Variants in PCDH15 observed in about 807,000 individuals in gnomAD.
The protein encoded by PCDH15 is protocadherin-15.
A neutral mutation model predicts 178.5 loss-of-function variants in PCDH15; 129 were observed. The ratio of observed to expected loss-of-function variants is 0.72; its 90% CI spans 0.63 to 0.84. The LOEUF (loss-of-function observed/expected upper bound fraction) is 0.84, where lower values mean the gene tolerates loss of function less well. Ranked by LOEUF, PCDH15 falls within the 40% of genes least tolerant of loss-of-function variation. The probability of loss-of-function intolerance (pLI) is 0.00; values close to 1 mark genes in which losing one functional copy is unlikely to be tolerated. For missense variants in PCDH15, 2,230 were observed against 2,099.9 expected, an observed-to-expected ratio of 1.06 and a Z score of -1.21; for synonymous variants, 800 against 732.0, an observed-to-expected ratio of 1.09 and a Z score of -1.50.
intron 2 of PCDH15, among the ~76,000 whole-genome samples, chr10:55,138,115 G>C (rs1838253521): frequency 6.6e-6 from 1 of 152,160 alleles, no homozygotes; most frequent in South Asian, 2.1e-4. Context: ...TGCTATAGCT[G>C]TTGTAAGTCT....
At chr10:54,462,812 G>T (rs2077280227) in intron 3 of PCDH15, among the ~76,000 whole-genome samples, 1 of 148,260 alleles carries the variant, frequency 6.7e-6, no homozygotes, top group African/African-American at 2.5e-5. Flanking sequence ...TTACAGGTGT[G>T]AGCCACCTCG....
chr10:54,490,522 TA>T (rs989739754), intron 3 of PCDH15, among the ~76,000 whole-genome samples: 4 of 151,726 alleles, frequency 2.6e-5, no homozygotes, highest in Admixed American at 6.6e-5. Context: ...AATTTTTTAA[TA>T]AAAAAATTTT....
intron 1 of PCDH15, among the ~76,000 whole-genome samples, chr10:54,675,609 T>C (rs972411559): frequency 1.3e-5 from 2 of 152,138 alleles, no homozygotes; most frequent in African/African-American, 4.8e-5. Flanking sequence ...TTGTTCCTCA[T>C]GTAAGACTTC....
At chr10:54,702,507 G>A (rs2095319057) in intron 1 of PCDH15, among the ~76,000 whole-genome samples, 1 of 105,016 alleles carries the variant, frequency 9.5e-6, no homozygotes, top group South Asian at 2.8e-4. Flanking sequence ...AATCAGAAAT[G>A]ACAAAGGGGA....
intron 2 of PCDH15, among the ~76,000 whole-genome samples, chr10:55,085,002 C>A (rs188647672): frequency 5.3e-5 from 8 of 151,930 alleles, no homozygotes; most frequent in Admixed American, 1.3e-4. Context: ...ACAGCCATTA[C>A]AGAGAACAGT....
intron 3 of PCDH15, among the ~76,000 whole-genome samples, chr10:54,467,461 C>T (rs2077594690): frequency 6.6e-6 from 1 of 151,780 alleles, no homozygotes; most frequent in Non-Finnish European, 1.5e-5. Flanking sequence ...TATTGATTAG[C>T]ATATGTTGAG....
intron 15 of PCDH15, among the ~76,000 whole-genome samples, chr10:54,094,149 A>G (rs2094653533): frequency 1.3e-5 from 2 of 152,120 alleles, no homozygotes; most frequent in African/African-American, 4.8e-5. Context: ...CTACTACTTA[A>G]TCACTCATTA....
intron 3 of PCDH15, among the ~76,000 whole-genome samples, chr10:54,521,434 A>G (rs1309833978): frequency 1.3e-5 from 2 of 152,164 alleles, no homozygotes; most frequent in African/African-American, 4.8e-5. Context: ...AACCAAGCAC[A>G]TTAATCAATT....
chr10:54,943,546 C>T (rs980616687), intron 2 of PCDH15, among the ~76,000 whole-genome samples: 3 of 151,780 alleles, frequency 2.0e-5, no homozygotes. Flanking sequence ...TATCACATAC[C>T]AAGAGCTACT....
chr10:54,302,982 T>C (rs1003241660), intron 8 of PCDH15, among the ~76,000 whole-genome samples: 7 of 152,150 alleles, frequency 4.6e-5, no homozygotes, highest in Non-Finnish European at 8.8e-5. Flanking sequence ...GTTATACACC[T>C]CCCCACTTCC....
intron 2 of PCDH15, among the ~76,000 whole-genome samples, chr10:54,580,087 C>A (rs932189449): frequency 5.9e-5 from 9 of 151,788 alleles, no homozygotes; most frequent in Admixed American, 3.3e-4. Context: ...CAATCTAAAC[C>A]TAAAGCTAAT....
chr10:55,323,413 C>G (rs1019527342), upstream of PCDH15, among the ~76,000 whole-genome samples: 2 of 152,120 alleles, frequency 1.3e-5, no homozygotes, highest in Admixed American at 1.3e-4. Flanking sequence ...CTTGGAAAAG[C>G]CAGAGACACT....
At chr10:55,458,700 A>G (rs1260141502) in intron 2 of PCDH15, among the ~76,000 whole-genome samples, 1 of 152,076 alleles carries the variant, frequency 6.6e-6, no homozygotes, top group East Asian at 1.9e-4. Context: ...CAGTAAGGCA[A>G]GAATCATCAA....
intron 2 of PCDH15, among the ~76,000 whole-genome samples, chr10:55,444,949 G>A (rs1306871485): frequency 6.6e-6 from 1 of 152,012 alleles, no homozygotes; most frequent in Non-Finnish European, 1.5e-5. Context: ...AGCTGAAGAT[G>A]ATGAATATAT....
At chr10:54,687,090 C>T (rs369781646) in intron 1 of PCDH15, among the ~76,000 whole-genome samples, 240 of 152,148 alleles carry the variant, frequency 1.6e-3, no homozygotes, top group African/African-American at 5.5e-3. Context: ...TCTCCTCACA[C>T]CTGTCAGTAT....
intron 3 of PCDH15, among the ~76,000 whole-genome samples, chr10:54,437,375 GA>G (rs35269396): frequency 0.027 from 4,166 of 152,080 alleles, 85 homozygotes; most frequent in African/African-American, 0.052. Flanking sequence ...TGTTACTGAA[GA>G]AAAAAATTAA....
intron 1 of PCDH15, among the ~76,000 whole-genome samples, chr10:55,278,463 G>A (rs1842649888): frequency 6.6e-6 from 1 of 151,978 alleles, no homozygotes; most frequent in African/African-American, 2.4e-5. Context: ...GGCCTCAAGT[G>A]ATCCTCCCGT....
chr10:54,218,327 G>T (rs368025669), intron 9 of PCDH15, among the ~76,000 whole-genome samples: 38 of 152,216 alleles, frequency 2.5e-4, no homozygotes, highest in South Asian at 1.9e-3. Context: ...CTCAATAGAA[G>T]AATTAATTCA....
At chr10:55,135,423 T>A (rs1838163896) in intron 2 of PCDH15, among the ~76,000 whole-genome samples, 1 of 151,846 alleles carries the variant, frequency 6.6e-6, no homozygotes, top group Non-Finnish European at 1.5e-5. Flanking sequence ...CAGACAAGAA[T>A]CCTGTCCCCA....
Sources: gnomAD v4.1 joint callset for allele counts (sites outside exome capture counted in the v4.1 genomes callset) on GRCh38, gnomAD v4.1.1 for gene constraint, MANE v1.5 for transcripts, NCBI Gene and HGNC (gene_info 2026-07-23, HGNC 2026-07-21) for gene names.